Variants in DPF3 observed in about 807,000 individuals in gnomAD.
DPF3 encodes the protein zinc finger protein DPF3.
Under a neutral mutation model 56.8 loss-of-function variants are expected in DPF3, and 18 were observed. The observed-to-expected ratio is 0.32, with a 90% CI of 0.22 to 0.47. The LOEUF is 0.47. Ranked by LOEUF, DPF3 falls within the 20% of genes least tolerant of loss-of-function variation. The probability of loss-of-function intolerance (pLI) is 1.00; values close to 1 mark genes in which losing one functional copy is unlikely to be tolerated. For missense variants in DPF3, 403 were observed against 488.8 expected (o/e 0.82, Z 1.65); for synonymous variants, 188 against 180.2 (o/e 1.04, Z -0.35).
chr14:72,874,607 C>T (rs745767001), intron 1 of DPF3, among the ~76,000 whole-genome samples: 16 of 152,206 alleles, frequency 1.1e-4, no homozygotes, highest in African/African-American at 2.4e-4. Context: ...CCAGTCTCTT[C>T]GCTAAAACAT....
intron 6 of DPF3, among the ~76,000 whole-genome samples, chr14:72,702,477 A>C (rs1888213670): frequency 6.6e-6 from 1 of 151,208 alleles, no homozygotes; most frequent in Non-Finnish European, 1.5e-5. Flanking sequence ...CTTCATAATC[A>C]CTCTGGCATC....
intron 1 of DPF3, among the ~76,000 whole-genome samples, chr14:72,891,387 T>C (rs1440766728): frequency 6.6e-6 from 1 of 151,788 alleles, no homozygotes; most frequent in Non-Finnish European, 1.5e-5. Context: ...CAGCTCTGTT[T>C]CATTGTCAGG....
At chr14:72,881,190 A>C (rs1351945926) in intron 1 of DPF3, among the ~76,000 whole-genome samples, 1 of 152,246 alleles carries the variant, frequency 6.6e-6, no homozygotes, top group Non-Finnish European at 1.5e-5. Flanking sequence ...ACTACTTCTA[A>C]CAGTGAAACT....
chr14:72,650,082 A>T (rs1446766347), intron 8 of DPF3, among the ~76,000 whole-genome samples: 1 of 152,144 alleles, frequency 6.6e-6, no homozygotes, highest in Non-Finnish European at 1.5e-5. Context: ...CCTGTGCTAA[A>T]GTCCTGCTTT....
At chr14:72,821,809 T>C (rs1599471472) in intron 1 of DPF3, among the ~76,000 whole-genome samples, 1 of 151,694 alleles carries the variant, frequency 6.6e-6, no homozygotes, top group Admixed American at 6.6e-5. Flanking sequence ...AGTTCAAGAC[T>C]AGACTGAGTA....
intron 7 of DPF3, among the ~76,000 whole-genome samples, chr14:72,681,238 C>T (rs1291778134): frequency 6.6e-6 from 1 of 152,088 alleles, no homozygotes; most frequent in Non-Finnish European, 1.5e-5. Context: ...ACGGAGAGTC[C>T]CCCGAGCACA....
chr14:72,671,164 G>A, intron 8 of DPF3: 1 of 1,613,906 alleles, frequency 6.2e-7, no homozygotes. Flanking sequence ...ATCTGCTGTG[G>A]GCGAACCCCG....
chr14:72,681,512 C>T (rs1388422526), intron 7 of DPF3, among the ~76,000 whole-genome samples: 1 of 152,214 alleles, frequency 6.6e-6, no homozygotes, highest in Non-Finnish European at 1.5e-5. Flanking sequence ...GAGGCCCCAT[C>T]TTGCTGCGTG....
intron 1 of DPF3, among the ~76,000 whole-genome samples, chr14:72,827,042 CAAAA>C (rs59956156): frequency 1.0e-4 from 14 of 137,844 alleles, no homozygotes; most frequent in Non-Finnish European, 1.1e-4. Flanking sequence ...AACTCCATCT[CAAAA>C]AAAAAAAAAA....
chr14:72,792,854 G>A (rs1487429284), intron 1 of DPF3, among the ~76,000 whole-genome samples: 8 of 151,896 alleles, frequency 5.3e-5, no homozygotes, highest in African/African-American at 1.5e-4. Context: ...TGCTTCTCCA[G>A]GGGAATGGCT....
At chr14:72,633,561 A>G (rs1027124604) in intron 8 of DPF3, among the ~76,000 whole-genome samples, 10 of 152,158 alleles carry the variant, frequency 6.6e-5, no homozygotes, top group African/African-American at 2.4e-4. Flanking sequence ...AGAGGTTTCA[A>G]GAAGGAGAAG....
chr14:72,681,705 T>C (rs1056601674), intron 7 of DPF3, among the ~76,000 whole-genome samples: 1 of 150,578 alleles, frequency 6.6e-6, no homozygotes, highest in African/African-American at 2.5e-5. Flanking sequence ...CTCACACTGA[T>C]GTCTCCATCC....
chr14:72,784,563 C>G (rs948734010), intron 1 of DPF3, among the ~76,000 whole-genome samples: 1 of 152,182 alleles, frequency 6.6e-6, no homozygotes, highest in Non-Finnish European at 1.5e-5. Context: ...GCTTCCCAGA[C>G]CTTTCCCCTC....
chr14:72,863,650 G>A (rs1167704718), intron 1 of DPF3, among the ~76,000 whole-genome samples: 3 of 151,684 alleles, frequency 2.0e-5, no homozygotes, highest in African/African-American at 7.3e-5. Context: ...AAAACAAGCT[G>A]TTTTCCAGTG....
intron 3 of DPF3, among the ~76,000 whole-genome samples, chr14:72,735,341 T>C (rs900918329): frequency 1.3e-5 from 2 of 152,126 alleles, no homozygotes; most frequent in African/African-American, 4.8e-5. Flanking sequence ...TATAGAATGT[T>C]CCATCAATAG....
chr14:72,862,883 G>A (rs1001428722), intron 1 of DPF3, among the ~76,000 whole-genome samples: 2 of 152,070 alleles, frequency 1.3e-5, no homozygotes, highest in African/African-American at 4.8e-5. Context: ...GCTCCATGAA[G>A]GCAAGGATTT....
chr14:72,872,710 G>C (rs1885949753), intron 1 of DPF3, among the ~76,000 whole-genome samples: 1 of 152,154 alleles, frequency 6.6e-6, no homozygotes, highest in African/African-American at 2.4e-5. Context: ...CATGGTACTG[G>C]TACCAAAACA....
intron 4 of DPF3, among the ~76,000 whole-genome samples, chr14:72,726,683 C>G (rs912034410): frequency 6.6e-6 from 1 of 152,092 alleles, no homozygotes; most frequent in East Asian, 1.9e-4. Context: ...GAGTCGCCGA[C>G]GGGGGTGGGG....
intron 1 of DPF3, among the ~76,000 whole-genome samples, chr14:72,864,894 G>A (rs1885602627): frequency 6.6e-6 from 1 of 152,194 alleles, no homozygotes; most frequent in South Asian, 2.1e-4. Flanking sequence ...ACAGAGTAGG[G>A]GACAGAGTCC....
Sources: gnomAD v4.1 joint callset for allele counts (sites outside exome capture counted in the v4.1 genomes callset) on GRCh38, gnomAD v4.1.1 for gene constraint, MANE v1.5 for transcripts, NCBI Gene and HGNC (gene_info 2026-07-23, HGNC 2026-07-21) for gene names.